Variants in FAM13B observed in about 807,000 individuals in gnomAD.
FAM13B encodes family with sequence similarity 13 member B.
FAM13B carries 60 observed loss-of-function variants against 117.3 expected under a neutral mutation model. The observed-to-expected ratio is 0.51, with a 90% confidence interval of 0.42 to 0.63. FAM13B has a LOEUF of 0.63. Ranked by LOEUF, FAM13B falls within the 30% of genes least tolerant of loss-of-function variation. The pLI, the probability that FAM13B is intolerant of heterozygous loss-of-function variation, is 0.00. For synonymous variants in FAM13B, 332 were observed against 356.1 expected (o/e 0.93, Z 0.76); for missense variants, 972 against 1,091.9 (o/e 0.89, Z 1.55).
chr5:138,017,105 A>C (rs1222374334), intron 4 of FAM13B, among the ~76,000 whole-genome samples: 2 of 152,210 alleles, frequency 1.3e-5, no homozygotes, highest in African/African-American at 4.8e-5. Flanking sequence ...TTTCGTTTTA[A>C]AACCTGTTTT....
At position 137,954,290 on chromosome 5, in the gene FAM13B, G is replaced by A. The variant is rs758370925; in HGVS notation, c.1594C>T (p.His532Tyr). The change falls in exon 15 of 24, where the codon CAC (histidine) becomes TAC (tyrosine). Residue 532 changes from histidine to tyrosine, a missense_variant. Coordinates refer to ENST00000689681, the MANE Select transcript of FAM13B (RefSeq NM_001385994.1). ...LSPQAGRMNH[H>Y]PLEEDCPPVL... Reference sequence around the variant, plus strand: ...GGAGGACAGTCCTCTTCCAAGGGGTGATGATTCATTCTTCCAGCTTGTGGA... The same window carrying A: ...GGAGGACAGTCCTCTTCCAAGGGGTAATGATTCATTCTTCCAGCTTGTGGA... 3 of 1,614,000 alleles carry A rather than the reference G, an allele frequency of 1.9e-6. No homozygotes were observed. In the Admixed American group the frequency reaches 5.0e-5, roughly 27 times the overall value.
In FAM13B at chr5:138,014,891, A is replaced by T. The variant is rs145432946; in HGVS notation, c.371-2946T>A. Among the ~76,000 whole-genome samples the T allele has an allele frequency of 5.3e-5, 8 of 152,300 alleles. No individual in the cohort carries two copies. The East Asian group carries it at 1.5e-3, about 29-fold the overall frequency. On this transcript the variant is annotated intron_variant, in intron 4 of 23. Coordinates refer to ENST00000689681, the MANE Select transcript of FAM13B (RefSeq NM_001385994.1). ...ACTTGCTTAAATTTCTTTCCTTTGGAGTCTAATTTCTAGTTAAATCATATC... is the reference window on the plus strand; with the variant it reads ...ACTTGCTTAAATTTCTTTCCTTTGGTGTCTAATTTCTAGTTAAATCATATC...
Position 137,946,292 on chromosome 5 carries a change from A to C in FAM13B, c.2180T>G (p.Leu727Trp). The C allele has an allele frequency of 6.3e-7, 1 of 1,576,784 alleles. No individual in the cohort carries two copies. The highest frequency in any genetic ancestry group is 8.6e-7 in the Non-Finnish European group (1 of 1,168,226). Reference protein sequence around the residue: ...EDIKKMTKDHLVEEKASLQKS... With the variant: ...EDIKKMTKDHWVEEKASLQKS... ...CTGAAGAGAAGCTTTCTCTTCTACC[A>C]AATGATCTTTGGTCATTTTCTGGAA... The change falls in exon 19 of 24, where the codon TTG becomes TGG. Residue 727 changes from leucine (L) to tryptophan (W), a missense_variant. Physicochemically the swap from Leu to Trp is moderately conservative, Grantham distance 61. Transcript: ENST00000689681.
chr5:137,959,541 A>T, intron 13 of FAM13B, 75 bp downstream of exon 13: 1 of 1,459,808 alleles, frequency 6.9e-7, no homozygotes, highest in Non-Finnish European at 9.6e-7. Flanking sequence ...AAAGGGCTGT[A>T]GTCTTATCAT....
chr5:137,979,259 C>A (rs1774941181), intron 10 of FAM13B, among the ~76,000 whole-genome samples: 1 of 152,076 alleles, frequency 6.6e-6, no homozygotes, highest in Non-Finnish European at 1.5e-5. Context: ...GTGATCTGCC[C>A]ACCTTGGCCT....
intron 10 of FAM13B, among the ~76,000 whole-genome samples, chr5:137,982,278 C>T (rs567995258): frequency 1.3e-5 from 2 of 152,186 alleles, no homozygotes; most frequent in East Asian, 3.9e-4. Flanking sequence ...TTTGGCTGGG[C>T]GTGGTGGCTC....
At chr5:138,011,495 T>C (rs1784000934) in intron 5 of FAM13B, among the ~76,000 whole-genome samples, 2 of 152,102 alleles carry the variant, frequency 1.3e-5, no homozygotes, top group African/African-American at 2.4e-5. Flanking sequence ...CTCGGCTCAC[T>C]GCAAGCTCCG....
intron 10 of FAM13B, among the ~76,000 whole-genome samples, chr5:137,968,039 T>C (rs992753878): frequency 4.6e-4 from 70 of 151,958 alleles, no homozygotes; most frequent in African/African-American, 1.6e-3. Context: ...CTGATCAACA[T>C]GGTGAAACCC....
chr5:137,966,488 T>TATATATATATAGAGAG (rs1461425784), intron 10 of FAM13B, among the ~76,000 whole-genome samples: 2 of 29,482 alleles, frequency 6.8e-5, no homozygotes, highest in African/African-American at 1.3e-4. Flanking sequence ...TATATATATA[T>TATATATATATAGAGAG]AGAGAGAGAG....
chr5:137,954,505 TACAC>T (rs111423475), intron 14 of FAM13B, 129 bp from the exon 15 acceptor site: 68 of 416,824 alleles, frequency 1.6e-4, no homozygotes, highest in Middle Eastern at 1.2e-3. Flanking sequence ...CATACACACA[TACAC>T]ACACACACAC....
chr5:137,994,917 T>C (rs985356817), intron 7 of FAM13B, among the ~76,000 whole-genome samples: 3 of 152,226 alleles, frequency 2.0e-5, no homozygotes, highest in Non-Finnish European at 4.4e-5. Context: ...ACTACTATTA[T>C]TTTAATTTCC....
intron 10 of FAM13B, among the ~76,000 whole-genome samples, chr5:137,971,026 C>T (rs1243778535): frequency 1.3e-5 from 2 of 151,622 alleles, no homozygotes; most frequent in African/African-American, 4.8e-5. Flanking sequence ...ACTTTAACAC[C>T]CCACTGTCAA....
chr5:138,031,988 A>G (rs901890710), intron 1 of FAM13B, among the ~76,000 whole-genome samples: 5 of 152,226 alleles, frequency 3.3e-5, no homozygotes, highest in African/African-American at 1.2e-4. Flanking sequence ...AGATTATCAG[A>G]TCCTTCAAAG....
At chr5:138,010,877 T>C (rs541822096) in intron 6 of FAM13B, 131 bp downstream of exon 6, 3 of 975,890 alleles carry the variant, frequency 3.1e-6, no homozygotes, top group Admixed American at 3.9e-5. Flanking sequence ...TGATTACATA[T>C]AATAACCAAG....
intron 11 of FAM13B, 78 bp downstream of exon 11, chr5:137,962,327 C>G: frequency 8.3e-7 from 1 of 1,199,262 alleles, no homozygotes; most frequent in Admixed American, 1.9e-5. Context: ...GGACATTCAT[C>G]TAAAAAAATC....
At chr5:138,011,678 A>G (rs913589324) in intron 5 of FAM13B, 90 bp downstream of exon 5, 30 of 884,340 alleles carry the variant, frequency 3.4e-5, no homozygotes, top group African/African-American at 2.2e-4. Flanking sequence ...TCAGCCTCCC[A>G]AAGTGCTGGG....
At chr5:137,997,457 G>A (rs1326518614) in intron 7 of FAM13B, among the ~76,000 whole-genome samples, 8 of 151,162 alleles carry the variant, frequency 5.3e-5, no homozygotes, top group South Asian at 2.1e-4. Flanking sequence ...CAACAAGAGC[G>A]AAACTCCATC....
intron 7 of FAM13B, among the ~76,000 whole-genome samples, chr5:137,991,224 A>G (rs1002397387): frequency 6.6e-6 from 1 of 152,254 alleles, no homozygotes; most frequent in Non-Finnish European, 1.5e-5. Context: ...TAAGAAAGAA[A>G]TATCAGCAAA....
At chr5:137,967,768 C>T (rs1770522784) in intron 10 of FAM13B, among the ~76,000 whole-genome samples, 1 of 152,010 alleles carries the variant, frequency 6.6e-6, no homozygotes. Flanking sequence ...TGGCATGCCC[C>T]TGTAGTCACA....
Sources: gnomAD v4.1 joint callset for allele counts (sites outside exome capture counted in the v4.1 genomes callset) on GRCh38, gnomAD v4.1.1 for gene constraint, MANE v1.5 for transcripts, NCBI Gene and HGNC (gene_info 2026-07-23, HGNC 2026-07-21) for gene names.